The following CLDN16 variants were observed in gnomAD, a reference collection of about 807,000 sequenced individuals.
The protein encoded by CLDN16 is claudin-16.
A neutral mutation model predicts 24.6 loss-of-function variants in CLDN16; 13 were observed. The observed-to-expected ratio is 0.53, with a 90% CI of 0.34 to 0.84. CLDN16 has a LOEUF of 0.84. Among genes scored for constraint, CLDN16 ranks in the 40% least tolerant of loss-of-function variants. The probability of loss-of-function intolerance (pLI) is 0.01; values close to 1 mark genes in which losing one functional copy is unlikely to be tolerated. For missense variants in CLDN16, 298 were observed against 292.7 expected, an observed-to-expected ratio of 1.02 and a Z score of -0.13; for synonymous variants, 116 against 106.7, an observed-to-expected ratio of 1.09 and a Z score of -0.54.
chr3:190,388,028 A>G, upstream of CLDN16: 2 of 1,250,578 alleles, frequency 1.6e-6, no homozygotes, highest in South Asian at 2.5e-5. Context: ...GTTGGGTCAG[A>G]AAACGTTACA....
intron 1 of CLDN16, among the ~76,000 whole-genome samples, chr3:190,361,785 C>T (rs1392912829): frequency 6.6e-6 from 1 of 151,790 alleles, no homozygotes; most frequent in African/African-American, 2.4e-5. Context: ...CAAGCTGGAA[C>T]CTTGCACAGG....
chr3:190,326,687 C>A (rs959408041), intron 1 of CLDN16, among the ~76,000 whole-genome samples: 1 of 152,146 alleles, frequency 6.6e-6, no homozygotes, highest in Non-Finnish European at 1.5e-5. Context: ...CAAGTGCCTC[C>A]CTTGTTTTCA....
At chr3:190,371,277 T>C (rs146267252) in intron 2 of CLDN16, among the ~76,000 whole-genome samples, 11 of 151,732 alleles carry the variant, frequency 7.2e-5, no homozygotes, top group Non-Finnish European at 1.6e-4. Context: ...ACCTGACTAA[T>C]ACAACAGTTA....
At chr3:190,383,794 A>G (rs1020897691), upstream of CLDN16, among the ~76,000 whole-genome samples, 68 of 152,298 alleles carry the variant, frequency 4.5e-4, no homozygotes, top group African/African-American at 1.6e-3. Flanking sequence ...ATATACATAC[A>G]CACACATACA....
the CLDN16 span, among the ~76,000 whole-genome samples, chr3:190,301,204 C>T: frequency 2.0e-5 from 3 of 152,078 alleles, no homozygotes; most frequent in Admixed American, 6.5e-5. Flanking sequence ...GTTAAGACGA[C>T]TATGTCCAGG....
the CLDN16 span, among the ~76,000 whole-genome samples, chr3:190,297,675 ATG>A: frequency 4.9e-5 from 7 of 141,702 alleles, no homozygotes; most frequent in Admixed American, 2.2e-4. Context: ...CATAGATATT[ATG>A]TAGATATTAA....
the CLDN16 span, among the ~76,000 whole-genome samples, chr3:190,293,543 G>T: frequency 2.0e-5 from 3 of 152,294 alleles, no homozygotes; most frequent in South Asian, 6.2e-4. Flanking sequence ...TAGACCATGA[G>T]TGGACAAGGA....
chr3:190,386,462 A>G (rs1718500152), upstream of CLDN16, among the ~76,000 whole-genome samples: 1 of 152,134 alleles, frequency 6.6e-6, no homozygotes, highest in Non-Finnish European at 1.5e-5. Flanking sequence ...TATACGCAAC[A>G]GTAGGTCAGA....
At chr3:190,365,750 C>T (rs1160837335) in intron 1 of CLDN16, among the ~76,000 whole-genome samples, 1 of 151,524 alleles carries the variant, frequency 6.6e-6, no homozygotes, top group African/African-American at 2.4e-5. Flanking sequence ...CTCCCAGATT[C>T]GCCAGTCTAT....
intron 1 of CLDN16, among the ~76,000 whole-genome samples, chr3:190,395,101 A>G (rs1718782748): frequency 6.6e-6 from 1 of 152,130 alleles, no homozygotes; most frequent in African/African-American, 2.4e-5. Context: ...TACTTTTAAA[A>G]GGAAGACATT....
At chr3:190,292,605 T>C in the CLDN16 span, among the ~76,000 whole-genome samples, 1 of 152,206 alleles carries the variant, frequency 6.6e-6, no homozygotes, top group Non-Finnish European at 1.5e-5. Flanking sequence ...GGTTTTTCTT[T>C]TTCTATTGCA....
At chr3:190,341,687 C>G (rs1450004446) in intron 1 of CLDN16, among the ~76,000 whole-genome samples, 1 of 152,170 alleles carries the variant, frequency 6.6e-6, no homozygotes, top group Admixed American at 6.6e-5. Context: ...CTATAGCCGG[C>G]TTGGATTTCT....
intron 1 of CLDN16, among the ~76,000 whole-genome samples, chr3:190,347,097 G>A (rs950493624): frequency 6.6e-6 from 1 of 152,220 alleles, no homozygotes; most frequent in South Asian, 2.1e-4. Context: ...GCACTATGAA[G>A]TTTAAAAATA....
At chr3:190,330,803 A>G (rs1355574630) in intron 1 of CLDN16, among the ~76,000 whole-genome samples, 1 of 152,226 alleles carries the variant, frequency 6.6e-6, no homozygotes, top group Non-Finnish European at 1.5e-5. Flanking sequence ...TAGGAAAATA[A>G]TCAAAAGTAA....
chr3:190,313,452 T>C, the CLDN16 span, among the ~76,000 whole-genome samples: 36 of 152,180 alleles, frequency 2.4e-4, no homozygotes, highest in Admixed American at 2.4e-3. Flanking sequence ...ATCAAAATGG[T>C]TTACAGTATA....
At chr3:190,310,318 G>A in the CLDN16 span, 2 of 1,232,382 alleles carry the variant, frequency 1.6e-6, no homozygotes, top group Non-Finnish European at 2.4e-6. Context: ...TACACAACCT[G>A]TTAAACCAAA....
chr3:190,404,955 G>GGTA, intron 3 of CLDN16, 29 bp downstream of exon 3: 1 of 1,611,480 alleles, frequency 6.2e-7, no homozygotes, highest in Non-Finnish European at 8.5e-7. Flanking sequence ...TAGCAACAGG[G>GGTA]GTAGGGAGAC....
At chr3:190,310,838 C>T in the CLDN16 span, among the ~76,000 whole-genome samples, 86 of 152,160 alleles carry the variant, frequency 5.7e-4, no homozygotes, top group African/African-American at 2.1e-3. Flanking sequence ...GAGGGTGCCA[C>T]ATCAGATCAA....
chr3:190,390,629 T>A (rs1012499434), intron 1 of CLDN16, among the ~76,000 whole-genome samples: 2 of 152,140 alleles, frequency 1.3e-5, no homozygotes, highest in South Asian at 2.1e-4. Flanking sequence ...GAGACAATAA[T>A]CTCTTATAAT....
Sources: gnomAD v4.1 joint callset for allele counts (sites outside exome capture counted in the v4.1 genomes callset) on GRCh38, gnomAD v4.1.1 for gene constraint, MANE v1.5 for transcripts, NCBI Gene and HGNC (gene_info 2026-07-23, HGNC 2026-07-21) for gene names.